APCS: variants seen among roughly 807,000 people sequenced by gnomAD.
APCS encodes amyloid P component, serum, also known as serum amyloid P-component.
A neutral mutation model predicts 2.5 loss-of-function variants in APCS; 2 were observed. The ratio of observed to expected loss-of-function variants is 0.80; its 90% CI spans 0.33 to 2.53. The LOEUF (loss-of-function observed/expected upper bound fraction) is 2.53, where lower values mean the gene tolerates loss of function less well. Among genes scored for constraint, APCS ranks in the 30% most tolerant of loss-of-function variants. The pLI is 0.11. For missense variants in APCS, 302 were observed against 258.9 expected, an observed-to-expected ratio of 1.17 and a Z score of -1.14; for synonymous variants, 109 against 102.5, an observed-to-expected ratio of 1.06 and a Z score of -0.39.
In APCS at chr1:159,588,242, TCTC is replaced by T. The variant is rs760875628; in HGVS notation, c.209_211del (p.Ser70del). ...GATCTCTCTCGTGCCTACAGCCTCT[TCTC>T]CTACAATACCCAAGGCAGGGATAAT... On this transcript the variant is annotated inframe_deletion, in exon 2 of 2. Coordinates refer to ENST00000255040, the MANE Select transcript of APCS (RefSeq NM_001639.4). 6.2e-5 allele frequency: 100 copies of T among 1,613,942 alleles called. No individual in the cohort carries two copies. Among genetic ancestry groups the T allele is most frequent in the Non-Finnish European group, 8.2e-5 (97 of 1,179,970 alleles).
At position 159,588,168 on chromosome 1, in the gene APCS, G is replaced by T. The variant is rs371650621; in HGVS notation, c.132G>T (p.Pro44=). 2.5e-6 allele frequency: 4 copies of T among 1,613,726 alleles called. No homozygotes were observed. The highest frequency in any genetic ancestry group is 2.2e-5 in the South Asian group (2 of 91,072). The stretch of plus-strand genomic sequence containing the variant: ...CTGATCATGTAAACTTGATCACACC[G>T]CTGGAGAAGCCTCTACAGAACTTTA... ...SVTDHVNLIT[P]LEKPLQNFTL... Residue 44 remains proline, a synonymous_variant, in exon 2 of 2, where the codon CCG becomes CCT. Coordinates refer to ENST00000255040, the MANE Select transcript of APCS (RefSeq NM_001639.4).
At position 159,588,412 on chromosome 1, in the gene APCS, T is replaced by A; in HGVS notation, c.376T>A (p.Phe126Ile). The change falls in exon 2 of 2, where the codon TTT becomes ATT. Residue 126 changes from phenylalanine (F) to isoleucine (I), a missense_variant. Transcript: ENST00000255040. ...GGAGTCCTCATCAGGTATTGCTGAA[T>A]TTTGGATCAATGGGACACCTTTGGT... ...SWESSSGIAE[F>I]WINGTPLVKK... is the part of the protein sequence containing the mutation. 6.2e-7 allele frequency: 1 copy of A among 1,614,098 alleles called. No homozygotes were observed.
rs1412083648 is a variant in APCS at position 159,587,855 on chromosome 1, G to A, written c.-67G>A. The A allele has an allele frequency of 4.0e-6, 6 of 1,510,972 alleles. No individual in the cohort carries two copies. The highest frequency in any genetic ancestry group is 5.5e-6 in the Non-Finnish European group (6 of 1,088,418). The allele number at this position is 1,510,972 out of a possible 1,614,324, so 93.6% of individuals were successfully genotyped here. ...ATGAATATCAGACGCTAGGGGGACA[G>A]CCACTGTGTTGTCTGCTACCCTCAT... On this transcript the variant is annotated 5_prime_UTR_variant, in exon 1 of 2. Coordinates refer to ENST00000255040, the MANE Select transcript of APCS (RefSeq NM_001639.4).
rs1412822391 is a variant in APCS, at chr1:159,587,913, G to A, written c.-9G>A. On this transcript the variant is annotated 5_prime_UTR_variant, in exon 1 of 2. Transcript: ENST00000255040. ...ACTGCTTCTGCTATAACAGCCCTAGGCCAGGAATATGAACAAGCCGCTGCT... is the reference window on the plus strand; with the variant it reads ...ACTGCTTCTGCTATAACAGCCCTAGACCAGGAATATGAACAAGCCGCTGCT... 6 of 1,613,542 alleles carry A rather than the reference G, an allele frequency of 3.7e-6. No homozygotes were observed. The highest frequency in any genetic ancestry group is 5.1e-6 in the Non-Finnish European group (6 of 1,179,970).
rs1473686086 is a variant in APCS, at chr1:159,588,859, T to C, written c.*151T>C. 2.4e-6 allele frequency: 2 copies of C among 822,056 alleles called. No homozygotes were observed. The highest frequency in any genetic ancestry group is 5.3e-5 in the East Asian group (2 of 37,784). 50.9% of individuals were successfully genotyped at this position (822,056 alleles called of 1,614,324 possible). ...CTAATTAAAAAAATATATATTGTAT[T>C]ATGCTACCTGCATTTGTTTAGTGCT... is the stretch of plus-strand genomic sequence containing the variant. On this transcript the variant is annotated 3_prime_UTR_variant, in exon 2 of 2. Transcript: ENST00000255040.
rs1425218282 is a variant in APCS, at chr1:159,588,484, A to G, written c.448A>G (p.Ile150Val). The change falls in exon 2 of 2, where the codon ATT becomes GTT. Residue 150 changes from isoleucine to valine, a missense_variant. Ile to Val is a conservative substitution (Grantham distance 29, BLOSUM62 3). Coordinates refer to ENST00000255040, the MANE Select transcript of APCS (RefSeq NM_001639.4). ...QGYFVEAQPK[I>V]VLGQEQDSYG... ...TTACTTTGTAGAAGCTCAGCCCAAG[A>G]TTGTCCTGGGGCAGGAACAGGATTC... The G allele has an allele frequency of 3.7e-6, 6 of 1,613,782 alleles. No individual in the cohort carries two copies. The highest frequency in any genetic ancestry group is 5.1e-6 in the Non-Finnish European group (6 of 1,179,894).
chr1:159,587,829 C>T lies in APCS; in HGVS notation c.-93C>T. 2 of 1,314,102 alleles carry T rather than the reference C, an allele frequency of 1.5e-6. No individual in the cohort carries two copies. The highest frequency in any genetic ancestry group is 2.4e-5 in the South Asian group (2 of 84,446). The allele number at this position is 1,314,102 out of a possible 1,614,324, so 81.4% of individuals were successfully genotyped here. On this transcript the variant is annotated 5_prime_UTR_variant, in exon 1 of 2. Transcript: ENST00000255040. ...CCCTGAATAACCTGAAGTCTAAGGG[C>T]ATGAATATCAGACGCTAGGGGGACA...
In APCS at chr1:159,588,846, AT is replaced by A; in HGVS notation, c.*139del. ...TCTGTATGTCTGCCTAATTAAAAAA[AT>A]ATATATTGTATTATGCTACCTGCAT... On this transcript the variant is annotated 3_prime_UTR_variant, in exon 2 of 2. Transcript: ENST00000255040. The A allele has an allele frequency of 1.0e-6, 1 of 985,228 alleles. No individual in the cohort carries two copies. Among genetic ancestry groups the A allele is most frequent in the Non-Finnish European group, 1.5e-6 (1 of 684,914 alleles). 61.0% of individuals were successfully genotyped at this position (985,228 alleles called of 1,614,324 possible). A position where few individuals can be genotyped will look rare whatever the true frequency, so the allele number is the denominator to read the frequency against.
In APCS at chr1:159,588,443, A is replaced by G. The variant is rs200923462; in HGVS notation, c.407A>G (p.Lys136Arg). Residue 136 changes from lysine (K) to arginine (R), a missense_variant, in exon 2 of 2, where the codon AAG becomes AGG. By Grantham distance (26) the Lys-to-Arg change is conservative. Coordinates refer to ENST00000255040, the MANE Select transcript of APCS (RefSeq NM_001639.4). Reference protein sequence around the residue: ...FWINGTPLVKKGLRQGYFVEA... With the variant: ...FWINGTPLVKRGLRQGYFVEA... ...ATCAATGGGACACCTTTGGTGAAAA[A>G]GGGTCTGCGACAGGGTTACTTTGTA... is the stretch of plus-strand genomic sequence containing the variant. The G allele has an allele frequency of 1.2e-6, 2 of 1,614,074 alleles. No homozygotes were observed. The highest frequency in any genetic ancestry group is 8.5e-7 in the Non-Finnish European group (1 of 1,180,010).
Position 159,588,178 on chromosome 1 carries a change from C to G in APCS, c.142C>G (p.Pro48Ala), listed in dbSNP as rs377010258. 4.3e-6 allele frequency: 7 copies of G among 1,613,888 alleles called. No homozygotes were observed. The highest frequency in any genetic ancestry group is 4.0e-5 in the African/African-American group (3 of 74,912). Residue 48 changes from proline to alanine, a missense_variant, in exon 2 of 2, where the codon CCT becomes GCT. Transcript: ENST00000255040. ...AAACTTGATCACACCGCTGGAGAAGCCTCTACAGAACTTTACCTTGTGTTT... is the reference window on the plus strand; with the variant it reads ...AAACTTGATCACACCGCTGGAGAAGGCTCTACAGAACTTTACCTTGTGTTT... ...HVNLITPLEKPLQNFTLCFRA... is the reference protein window; with the variant it reads ...HVNLITPLEKALQNFTLCFRA...
rs760187041 is a variant in APCS, at chr1:159,588,697, G to C, written c.661G>C (p.Val221Leu). 15 of 1,611,452 alleles carry C rather than the reference G, an allele frequency of 9.3e-6. No individual in the cohort carries two copies. In the Admixed American group the frequency reaches 1.8e-4, roughly 20 times the overall value. The change falls in exon 2 of 2, where the codon GTG becomes CTG. Residue 221 changes from valine (V) to leucine (L), a missense_variant. By Grantham distance (32) the Val-to-Leu change is conservative (BLOSUM62 1). Coordinates refer to ENST00000255040, the MANE Select transcript of APCS (RefSeq NM_001639.4). ...IRGYVIIKPL[V>L]WV ...AGGATATGTCATCATCAAACCCTTG[G>C]TGTGGGTCTGAGGTCTTGACTCAAC...
rs746424116 is a variant in APCS, at chr1:159,588,397, T to A, written c.361T>A (p.Ser121Thr). ...VHICVSWESS[S>T]GIAEFWINGT... ...CATCTGTGTGAGCTGGGAGTCCTCATCAGGTATTGCTGAATTTTGGATCAA... is the reference window on the plus strand; with the variant it reads ...CATCTGTGTGAGCTGGGAGTCCTCAACAGGTATTGCTGAATTTTGGATCAA... Residue 121 changes from serine (S) to threonine (T), a missense_variant, in exon 2 of 2, where the codon TCA becomes ACA. Coordinates refer to ENST00000255040, the MANE Select transcript of APCS (RefSeq NM_001639.4). 6.2e-7 allele frequency: 1 copy of A among 1,614,140 alleles called. No homozygotes were observed. The highest frequency in any genetic ancestry group is 8.5e-7 in the Non-Finnish European group (1 of 1,180,008).
rs1025071956 is a variant in APCS, at chr1:159,588,472, G to T, written c.436G>T (p.Ala146Ser). Residue 146 changes from alanine to serine, a missense_variant, in exon 2 of 2, where the codon GCT becomes TCT. Coordinates refer to ENST00000255040, the MANE Select transcript of APCS (RefSeq NM_001639.4). Reference sequence around the variant, plus strand: ...TCTGCGACAGGGTTACTTTGTAGAAGCTCAGCCCAAGATTGTCCTGGGGCA... The same window carrying T: ...TCTGCGACAGGGTTACTTTGTAGAATCTCAGCCCAAGATTGTCCTGGGGCA... ...KGLRQGYFVE[A>S]QPKIVLGQEQ... 6 of 1,613,928 alleles carry T rather than the reference G, an allele frequency of 3.7e-6. No homozygotes were observed. Among genetic ancestry groups the T allele is most frequent in the Admixed American group, 3.3e-5 (2 of 59,974 alleles).
Position 159,588,590 on chromosome 1 carries a change from C to A in APCS, c.554C>A (p.Pro185Gln). ...DLYMWDSVLP[P>Q]ENILSAYQGT... is the part of the protein sequence containing the mutation. ...TACATGTGGGACTCTGTGCTGCCCC[C>A]AGAAAATATCCTGTCTGCCTATCAG... is the stretch of plus-strand genomic sequence containing the variant. Residue 185 changes from proline (P) to glutamine (Q), a missense_variant, in exon 2 of 2, where the codon CCA becomes CAA. Pro to Gln is a moderately conservative substitution (Grantham distance 76). Coordinates refer to ENST00000255040, the MANE Select transcript of APCS (RefSeq NM_001639.4). The A allele has an allele frequency of 1.9e-6, 3 of 1,613,880 alleles. No individual in the cohort carries two copies. Among genetic ancestry groups the A allele is most frequent in the Non-Finnish European group, 2.5e-6 (3 of 1,179,970 alleles).
Position 159,588,860 on chromosome 1 carries a change from A to T in APCS, c.*152A>T. 3 of 812,540 alleles carry T rather than the reference A, an allele frequency of 3.7e-6. No homozygotes were observed. In the East Asian group the frequency reaches 8.0e-5, roughly 22 times the overall value. 50.3% of individuals were successfully genotyped at this position (812,540 alleles called of 1,614,324 possible). On this transcript the variant is annotated 3_prime_UTR_variant, in exon 2 of 2. Coordinates refer to ENST00000255040, the MANE Select transcript of APCS (RefSeq NM_001639.4). ...TAATTAAAAAAATATATATTGTATT[A>T]TGCTACCTGCATTTGTTTAGTGCTT... is the stretch of plus-strand genomic sequence containing the variant.
At position 159,588,620 on chromosome 1, in the gene APCS, C is replaced by T. The variant is rs199816861; in HGVS notation, c.584C>T (p.Thr195Ile). 48 of 1,613,662 alleles carry T rather than the reference C, an allele frequency of 3.0e-5. No individual in the cohort carries two copies. Among genetic ancestry groups the T allele is most frequent in the Middle Eastern group, 1.6e-4 (1 of 6,082 alleles). The change falls in exon 2 of 2, where the codon ACC becomes ATC. Residue 195 changes from threonine (T) to isoleucine (I), a missense_variant. Thr to Ile is a moderately conservative substitution (Grantham distance 89). Transcript: ENST00000255040. ...PENILSAYQG[T>I]PLPANILDWQ... The stretch of plus-strand genomic sequence containing the variant: ...AATATCCTGTCTGCCTATCAGGGTA[C>T]CCCTCTCCCTGCCAATATCCTGGAC...
In APCS at chr1:159,588,212, A is replaced by C; in HGVS notation, c.176A>C (p.Tyr59Ser). 1 of 1,614,178 alleles carries C rather than the reference A, an allele frequency of 6.2e-7. No homozygotes were observed. Among genetic ancestry groups the C allele is most frequent in the Non-Finnish European group, 8.5e-7 (1 of 1,180,028 alleles). Residue 59 changes from tyrosine (Y) to serine (S), a missense_variant, in exon 2 of 2, where the codon TAT (tyrosine) becomes TCT (serine). Transcript: ENST00000255040. ...AACTTTACCTTGTGTTTTCGAGCCT[A>C]TAGTGATCTCTCTCGTGCCTACAGC... ...LQNFTLCFRA[Y>S]SDLSRAYSLF...
Position 159,588,737 on chromosome 1 carries a change from A to G in APCS, c.*29A>G. 1 of 1,582,508 alleles carries G rather than the reference A, an allele frequency of 6.3e-7. No individual in the cohort carries two copies. The highest frequency in any genetic ancestry group is 8.6e-7 in the Non-Finnish European group (1 of 1,159,974). On this transcript the variant is annotated 3_prime_UTR_variant, in exon 2 of 2. Coordinates refer to ENST00000255040, the MANE Select transcript of APCS (RefSeq NM_001639.4). ...CTTGACTCAACGAGAGCACTTGAAAATGAAATGACTGTCTAAGAGATCTGG... is the reference window on the plus strand; with the variant it reads ...CTTGACTCAACGAGAGCACTTGAAAGTGAAATGACTGTCTAAGAGATCTGG...
Position 159,588,250 on chromosome 1 carries a change from A to T in APCS, c.214A>T (p.Asn72Tyr), listed in dbSNP as rs1358470680. The stretch of plus-strand genomic sequence containing the variant: ...TCGTGCCTACAGCCTCTTCTCCTAC[A>T]ATACCCAAGGCAGGGATAATGAGCT... ...LSRAYSLFSY[N>Y]TQGRDNELLV... Residue 72 changes from asparagine (N) to tyrosine (Y), a missense_variant, in exon 2 of 2, where the codon AAT becomes TAT. Coordinates refer to ENST00000255040, the MANE Select transcript of APCS (RefSeq NM_001639.4). 1.2e-6 allele frequency: 2 copies of T among 1,614,092 alleles called. No individual in the cohort carries two copies. The highest frequency in any genetic ancestry group is 1.7e-6 in the Non-Finnish European group (2 of 1,179,956).
Sources: allele counts gnomAD v4.1 joint callset, GRCh38; gene constraint gnomAD v4.1.1; transcripts MANE v1.5; gene names NCBI Gene and HGNC (gene_info 2026-07-23, HGNC 2026-07-21).